Variants in FAM117B observed in about 807,000 individuals in gnomAD.
The protein encoded by FAM117B is family with sequence similarity 117 member B, also known as protein FAM117B.
FAM117B carries 22 observed loss-of-function variants against 52.8 expected under a neutral mutation model. That is an observed-to-expected ratio of 0.42 (90% CI 0.30 to 0.59). FAM117B has a LOEUF of 0.59. FAM117B is among the 20% of genes least tolerant of loss of function. The pLI is 0.22. For synonymous variants in FAM117B, 309 were observed against 324.1 expected, an observed-to-expected ratio of 0.95 and a Z score of 0.50; for missense variants, 678 against 802.6, an observed-to-expected ratio of 0.84 and a Z score of 1.88.
chr2:202,751,882 A>G (rs1026765728), intron 4 of FAM117B, among the ~76,000 whole-genome samples: 3 of 152,006 alleles, frequency 2.0e-5, no homozygotes, highest in Non-Finnish European at 2.9e-5. Context: ...TAAAAATTAT[A>G]TAAATTTTCT....
At chr2:202,715,341 C>A (rs1455690230) in intron 2 of FAM117B, among the ~76,000 whole-genome samples, 1 of 150,820 alleles carries the variant, frequency 6.6e-6, no homozygotes, top group East Asian at 2.0e-4. Context: ...GGCTGCCGGG[C>A]GGAGACGCTC....
intron 1 of FAM117B, among the ~76,000 whole-genome samples, chr2:202,666,198 A>T (rs532248475): frequency 8.5e-5 from 13 of 152,312 alleles, no homozygotes; most frequent in African/African-American, 2.9e-4. Flanking sequence ...TATAGTCAAA[A>T]GCAGATTGGG....
intron 1 of FAM117B, among the ~76,000 whole-genome samples, chr2:202,665,705 A>G (rs998709155): frequency 2.6e-5 from 4 of 152,100 alleles, no homozygotes; most frequent in African/African-American, 9.7e-5. Flanking sequence ...GATTCAAGCA[A>G]TTCTCCTGCC....
chr2:202,657,484 T>C lies in FAM117B; in HGVS notation c.601+21696T>C, dbSNP rs59138163. Among the ~76,000 whole-genome samples, 710 of 152,290 alleles carry C rather than the reference T, an allele frequency of 4.7e-3. 5 individuals are homozygous for C. The highest frequency in any genetic ancestry group is 0.016 in the African/African-American group (685 of 41,566). On this transcript the variant is annotated intron_variant, in intron 1 of 7. Transcript: ENST00000392238. ...TTGACATTATTGATATATTTGGATA[T>C]AGGTGTGCTGTTTTTTTTTGGAGAC...
chr2:202,737,803 T>G (rs1042054346), intron 4 of FAM117B, among the ~76,000 whole-genome samples: 5 of 152,122 alleles, frequency 3.3e-5, no homozygotes, highest in Non-Finnish European at 5.9e-5. Flanking sequence ...GGTTTCACTA[T>G]GTTGGCCAGG....
At chr2:202,650,035 T>A (rs1017017387) in intron 1 of FAM117B, among the ~76,000 whole-genome samples, 12 of 145,954 alleles carry the variant, frequency 8.2e-5, no homozygotes, top group Non-Finnish European at 1.7e-4. Context: ...ACCTGGTTAA[T>A]TTTTTTTTTT....
At chr2:202,657,037 A>G (rs901294867) in intron 1 of FAM117B, among the ~76,000 whole-genome samples, 8 of 152,052 alleles carry the variant, frequency 5.3e-5, no homozygotes, top group African/African-American at 1.4e-4. Flanking sequence ...ATTTAAAGGG[A>G]TGTCTTATAG....
At chr2:202,644,064 G>GTTTTTTTTTTTTTTTT (rs1161026426) in intron 1 of FAM117B, among the ~76,000 whole-genome samples, 59 of 95,158 alleles carry the variant, frequency 6.2e-4, no homozygotes, top group East Asian at 1.3e-3. Flanking sequence ...TTTTTTTTTT[G>GTTTTTTTTTTTTTTTT]TTTTTTTTTT....
intron 1 of FAM117B, among the ~76,000 whole-genome samples, chr2:202,663,829 C>T (rs771108403): frequency 1.3e-5 from 2 of 152,152 alleles, no homozygotes; most frequent in Non-Finnish European, 2.9e-5. Context: ...GGTGATCTGC[C>T]CACCTCGGCC....
At chr2:202,663,580 C>CTTTTTTTTTTTTTTTTTTTTTTTTTTTT (rs11368989) in intron 1 of FAM117B, among the ~76,000 whole-genome samples, 1 of 138,944 alleles carries the variant, frequency 7.2e-6, no homozygotes, top group Non-Finnish European at 1.5e-5. Context: ...CACATTAAGC[C>CTTTTTTTTTTTTTTTTTTTTTTTTTTTT]TTTTTTTTTT....
chr2:202,769,587 A>AATTGTGG lies in FAM117B; in HGVS notation c.*3824_*3825insTTGTGGA. ...TGTGGAAGCTGTGTAACTCTTTTTA[A>AATTGTGG]AATGCAATTTAAAACATTTTGTTAT... On this transcript the variant is annotated 3_prime_UTR_variant, in exon 8 of 8. Coordinates refer to ENST00000392238, the MANE Select transcript of FAM117B (RefSeq NM_173511.4). 1 of 152,678 alleles carries AATTGTGG rather than the reference A, an allele frequency of 6.5e-6. No homozygotes were observed. Among genetic ancestry groups the AATTGTGG allele is most frequent in the African/African-American group, 2.4e-5 (1 of 41,540 alleles). 9.5% of individuals were successfully genotyped at this position (152,678 alleles called of 1,614,324 possible).
At chr2:202,702,910 T>C (rs1388926235) in intron 2 of FAM117B, among the ~76,000 whole-genome samples, 1 of 152,172 alleles carries the variant, frequency 6.6e-6, no homozygotes, top group African/African-American at 2.4e-5. Context: ...AGACATAATG[T>C]TATTGCACAC....
At chr2:202,742,165 G>A (rs1053637382) in intron 4 of FAM117B, among the ~76,000 whole-genome samples, 3 of 152,066 alleles carry the variant, frequency 2.0e-5, no homozygotes, top group African/African-American at 7.2e-5. Context: ...CTTTTTTACA[G>A]CATTAGAAAA....
intron 2 of FAM117B, among the ~76,000 whole-genome samples, chr2:202,697,272 C>A (rs763743370): frequency 1.3e-5 from 2 of 151,950 alleles, no homozygotes; most frequent in Non-Finnish European, 2.9e-5. Flanking sequence ...ATAGTAAGAC[C>A]CATGAAGATA....
At chr2:202,709,267 A>G (rs1305437551) in intron 2 of FAM117B, among the ~76,000 whole-genome samples, 1 of 149,934 alleles carries the variant, frequency 6.7e-6, no homozygotes, top group South Asian at 2.1e-4. Context: ...CAATGGAGTG[A>G]TCTCAATTCA....
chr2:202,667,173 T>G (rs552093847), intron 1 of FAM117B, among the ~76,000 whole-genome samples: 51 of 152,254 alleles, frequency 3.3e-4, no homozygotes, highest in African/African-American at 1.2e-3. Context: ...CGATCTTGGC[T>G]CACTGCAACC....
At chr2:202,693,967 A>G (rs1379255295) in intron 1 of FAM117B, among the ~76,000 whole-genome samples, 2 of 152,134 alleles carry the variant, frequency 1.3e-5, no homozygotes, top group African/African-American at 4.8e-5. Context: ...TGCACATTGA[A>G]TATAGTTTTA....
In FAM117B at chr2:202,726,265, C is replaced by G. The variant is rs1691243523; in HGVS notation, c.862C>G (p.Gln288Glu). The change falls in exon 4 of 8, where the codon CAG (glutamine) becomes GAG (glutamate). Residue 288 changes from glutamine to glutamate, a missense_variant. Physicochemically the swap from Gln to Glu is conservative, Grantham distance 29. Coordinates refer to ENST00000392238, the MANE Select transcript of FAM117B (RefSeq NM_173511.4). The stretch of plus-strand genomic sequence containing the variant: ...GCTTTCTCAGATTGCAAAATTACGC[C>G]AGCAGTTGCAGAGAAGTAAACACAG... The part of the protein sequence containing the change: ...DQLKEIAKLR[Q>E]QLQRSKHSSR... 6.2e-7 allele frequency: 1 copy of G among 1,611,528 alleles called. No individual in the cohort carries two copies. The highest frequency in any genetic ancestry group is 8.5e-7 in the Non-Finnish European group (1 of 1,179,332).
At chr2:202,708,520 G>A (rs1260754107) in intron 2 of FAM117B, among the ~76,000 whole-genome samples, 1 of 152,170 alleles carries the variant, frequency 6.6e-6, no homozygotes, top group Non-Finnish European at 1.5e-5. Flanking sequence ...TAGCGCCGCA[G>A]TGAACATGTG....
Sources: gnomAD v4.1 joint callset for allele counts (sites outside exome capture counted in the v4.1 genomes callset) on GRCh38, gnomAD v4.1.1 for gene constraint, MANE v1.5 for transcripts, NCBI Gene and HGNC (gene_info 2026-07-23, HGNC 2026-07-21) for gene names.